Variants in NEK11 observed in about 807,000 individuals in gnomAD.
NEK11 encodes serine/threonine-protein kinase Nek11.
NEK11 carries 72 observed loss-of-function variants against 80.7 expected under a neutral mutation model. That is an observed-to-expected ratio of 0.89 (90% CI 0.74 to 1.08). The LOEUF is 1.08. NEK11 is among the 50% of genes least tolerant of loss of function. NEK11 has a pLI of 0.00. For missense variants in NEK11, 764 were observed against 763.6 expected (o/e 1.00, Z -0.01); for synonymous variants, 251 against 260.7 (o/e 0.96, Z 0.36).
intron 3 of NEK11, among the ~76,000 whole-genome samples, chr3:131,069,156 T>C (rs1226662455): frequency 6.6e-6 from 1 of 152,310 alleles, no homozygotes; most frequent in Middle Eastern, 3.4e-3. Flanking sequence ...ATTTTTAGTT[T>C]ATTAGTTTAA....
chr3:131,259,892 T>C (rs1277249295), intron 16 of NEK11, among the ~76,000 whole-genome samples: 1 of 152,040 alleles, frequency 6.6e-6, no homozygotes, highest in Admixed American at 6.6e-5. Flanking sequence ...ATTTCTGGGG[T>C]GTTGAGGTGT....
chr3:131,189,191 G>C (rs188113878), intron 14 of NEK11, among the ~76,000 whole-genome samples: 7 of 152,216 alleles, frequency 4.6e-5, no homozygotes, highest in Admixed American at 3.3e-4. Flanking sequence ...CCAGTGCCCT[G>C]ATTTTGGACT....
At chr3:131,247,839 G>GTTT (rs34755844) in intron 16 of NEK11, among the ~76,000 whole-genome samples, 1 of 143,442 alleles carries the variant, frequency 7.0e-6, no homozygotes, top group Admixed American at 6.9e-5. Context: ...TATTCCTAGG[G>GTTT]TTTTTTTTTT....
intron 14 of NEK11, among the ~76,000 whole-genome samples, chr3:131,187,740 C>T (rs1256754289): frequency 6.6e-6 from 1 of 152,068 alleles, no homozygotes; most frequent in East Asian, 1.9e-4. Flanking sequence ...CATATTAGGA[C>T]CAAACACTGT....
intron 12 of NEK11, among the ~76,000 whole-genome samples, chr3:131,166,145 G>C (rs143025066): frequency 1.3e-5 from 2 of 152,302 alleles, no homozygotes; most frequent in Admixed American, 1.3e-4. Context: ...TCTTTACAAC[G>C]TCAAATTTGG....
At chr3:131,054,262 C>A (rs556184040) in intron 3 of NEK11, among the ~76,000 whole-genome samples, 1 of 152,064 alleles carries the variant, frequency 6.6e-6, no homozygotes, top group East Asian at 1.9e-4. Flanking sequence ...GCTTAGGAGG[C>A]AGAGGTTGCA....
At chr3:131,170,432 A>G (rs1016925360) in intron 13 of NEK11, among the ~76,000 whole-genome samples, 1 of 152,166 alleles carries the variant, frequency 6.6e-6, no homozygotes, top group Admixed American at 6.5e-5. Flanking sequence ...AGGGTGTGGT[A>G]AGTGGAACAC....
chr3:131,255,116 GAAA>G (rs2095791506), intron 16 of NEK11, among the ~76,000 whole-genome samples: 1 of 150,882 alleles, frequency 6.6e-6, no homozygotes, highest in African/African-American at 2.5e-5. Context: ...AAGAAAGAAA[GAAA>G]GAAAGAAAGA....
At chr3:131,037,109 G>A (rs1025976065) in intron 3 of NEK11, among the ~76,000 whole-genome samples, 7 of 152,094 alleles carry the variant, frequency 4.6e-5, no homozygotes, top group Non-Finnish European at 8.8e-5. Context: ...CGTCCTCAGC[G>A]ATTTGATGTG....
At chr3:131,168,051 C>T (rs1198197334) in intron 12 of NEK11, among the ~76,000 whole-genome samples, 2 of 152,226 alleles carry the variant, frequency 1.3e-5, no homozygotes, top group African/African-American at 4.8e-5. Context: ...CCAGCTGGTT[C>T]AGGCCCACAG....
intron 14 of NEK11, among the ~76,000 whole-genome samples, chr3:131,219,310 G>T (rs1477040458): frequency 1.3e-5 from 2 of 151,906 alleles, no homozygotes; most frequent in Non-Finnish European, 2.9e-5. Flanking sequence ...ACCAAACACT[G>T]CATGTTCTCA....
intron 17 of NEK11, among the ~76,000 whole-genome samples, chr3:131,305,910 T>G (rs536841960): frequency 1.6e-4 from 24 of 152,210 alleles, no homozygotes; most frequent in Middle Eastern, 3.4e-3. Flanking sequence ...CTGCTTGGAG[T>G]GTCCCAGTCT....
At position 131,029,883 on chromosome 3, in the gene NEK11, G is replaced by A; in HGVS notation, c.170+5G>A. The A allele has an allele frequency of 6.2e-7, 1 of 1,613,864 alleles. No homozygotes were observed. The highest frequency in any genetic ancestry group is 1.1e-5 in the South Asian group (1 of 91,066). On this transcript the variant is annotated splice_donor_5th_base_variant and intron_variant, in intron 3 of 17. Transcript: ENST00000383366. ...AGCCAAACGAGGAGAGGAATTGTAA[G>A]TAAAAATGCTTCCTATGAATCTTGA...
At chr3:131,176,045 A>G (rs1012534744) in intron 14 of NEK11, among the ~76,000 whole-genome samples, 1 of 152,136 alleles carries the variant, frequency 6.6e-6, no homozygotes, top group Non-Finnish European at 1.5e-5. Flanking sequence ...CAAGGAGGAA[A>G]GTTGGCTATT....
At chr3:131,043,258 G>T (rs1287171968) in intron 3 of NEK11, among the ~76,000 whole-genome samples, 3 of 152,240 alleles carry the variant, frequency 2.0e-5, no homozygotes, top group East Asian at 3.8e-4. Context: ...GATGGAGAAT[G>T]AGTTTGACAA....
At chr3:131,259,961 C>T (rs2108456707) in intron 16 of NEK11, among the ~76,000 whole-genome samples, 1 of 152,240 alleles carries the variant, frequency 6.6e-6, no homozygotes, top group East Asian at 1.9e-4. Context: ...GTTTTGTTGC[C>T]ATTCTGATGT....
At chr3:131,167,272 G>GTCT (rs2092316577) in intron 12 of NEK11, among the ~76,000 whole-genome samples, 3 of 152,294 alleles carry the variant, frequency 2.0e-5, no homozygotes, top group Admixed American at 2.0e-4. Flanking sequence ...TCAGGGTCTT[G>GTCT]TCTTCCTCTT....
In NEK11 at chr3:131,162,426, G is replaced by T. The variant is rs1215419525; in HGVS notation, c.981G>T (p.Leu327=). ...IINAMQKRIH[L]QTLRALSEVQ... is the part of the protein sequence containing the mutation. The stretch of plus-strand genomic sequence containing the variant: ...TTTATAGGCAAAAAAGGATCCACCT[G>T]CAGACTCTGAGGGCACTGTCAGAAG... The change falls in exon 11 of 18, where the codon CTG becomes CTT. Residue 327 remains leucine, a synonymous_variant. Transcript: ENST00000383366. 1 of 1,613,844 alleles carries T rather than the reference G, an allele frequency of 6.2e-7. No homozygotes were observed. Among genetic ancestry groups the T allele is most frequent in the Non-Finnish European group, 8.5e-7 (1 of 1,179,914 alleles).
At chr3:131,220,981 A>G (rs2107664892) in intron 14 of NEK11, among the ~76,000 whole-genome samples, 1 of 152,272 alleles carries the variant, frequency 6.6e-6, no homozygotes, top group South Asian at 2.1e-4. Flanking sequence ...GAAAAAGAGG[A>G]AAGGGGTGGG....
Sources: gnomAD v4.1 joint callset for allele counts (sites outside exome capture counted in the v4.1 genomes callset) on GRCh38, gnomAD v4.1.1 for gene constraint, MANE v1.5 for transcripts, NCBI Gene and HGNC (gene_info 2026-07-23, HGNC 2026-07-21) for gene names.